Variants in PDE1A observed in about 807,000 individuals in gnomAD.
PDE1A encodes the protein phosphodiesterase 1A.
In PDE1A, 35 loss-of-function variants were observed where a neutral mutation model predicts 61.7. That is an observed-to-expected ratio of 0.57 (90% CI 0.43 to 0.75). The LOEUF is 0.75. Among genes scored for constraint, PDE1A ranks in the 30% least tolerant of loss-of-function variants. The probability of loss-of-function intolerance (pLI) is 0.00; values close to 1 mark genes in which losing one functional copy is unlikely to be tolerated. For synonymous variants in PDE1A, 232 were observed against 213.2 expected, an observed-to-expected ratio of 1.09 and a Z score of -0.77; for missense variants, 597 against 630.6, an observed-to-expected ratio of 0.95 and a Z score of 0.57.
the PDE1A span, among the ~76,000 whole-genome samples, chr2:182,592,195 T>C: frequency 6.6e-6 from 1 of 152,192 alleles, no homozygotes; most frequent in South Asian, 2.1e-4. Context: ...AAAAAAGTGA[T>C]AAAGCTGATA....
chr2:182,191,846 C>CTTTTTTTTTTT (rs142596612), intron 10 of PDE1A, among the ~76,000 whole-genome samples: 1 of 146,064 alleles, frequency 6.8e-6, no homozygotes, highest in Non-Finnish European at 1.5e-5. Context: ...GATTTACTTT[C>CTTTTTTTTTTT]TTTTTTTTTT....
In PDE1A at chr2:182,181,209, C is replaced by T. The variant is rs531466550; in HGVS notation, c.1516+4683G>A. Among the ~76,000 whole-genome samples, 7 of 152,266 alleles carry T rather than the reference C, an allele frequency of 4.6e-5. No homozygotes were observed. The South Asian group carries it at 8.3e-4, about 18-fold the overall frequency. On this transcript the variant is annotated intron_variant, in intron 13 of 13. Transcript: ENST00000351439. ...TTTCAGCGTTTTTGCACTGTTTCTT[C>T]CTCATCTTCATGGATTTATCTACCT...
At chr2:182,163,168 G>A (rs116408495), downstream of PDE1A, among the ~76,000 whole-genome samples, 1,204 of 152,188 alleles carry the variant, frequency 7.9e-3, 9 homozygotes, top group African/African-American at 0.027. Context: ...TACCCAAGTC[G>A]TGACTCTAAT....
At chr2:182,449,323 GAGAGAA>G (rs1685355695) in intron 2 of PDE1A, among the ~76,000 whole-genome samples, 1 of 151,254 alleles carries the variant, frequency 6.6e-6, no homozygotes, top group Non-Finnish European at 1.5e-5. Flanking sequence ...GACAGAGAGA[GAGAGAA>G]AGAGAAAGGA....
At chr2:182,231,381 T>A (rs1689567512) in intron 4 of PDE1A, among the ~76,000 whole-genome samples, 1 of 152,222 alleles carries the variant, frequency 6.6e-6, no homozygotes, top group African/African-American at 2.4e-5. Flanking sequence ...ATTTAATACA[T>A]TTGATAATAC....
intron 7 of PDE1A, among the ~76,000 whole-genome samples, chr2:182,220,049 A>G (rs1006824341): frequency 6.6e-6 from 1 of 152,192 alleles, no homozygotes; most frequent in African/African-American, 2.4e-5. Context: ...ATGATAAATG[A>G]CCTACCAGGC....
At chr2:182,159,478 TAATTCATCAC>T in intron 13 of PDE1A, among the ~76,000 whole-genome samples, 1 of 152,364 alleles carries the variant, frequency 6.6e-6, no homozygotes, top group African/African-American at 2.4e-5. Context: ...CCTATCAAGA[TAATTCATCAC>T]ACAGCAGTTC....
chr2:182,567,775 T>TTTTTTTTC, the PDE1A span, among the ~76,000 whole-genome samples: 1 of 151,462 alleles, frequency 6.6e-6, no homozygotes, highest in Non-Finnish European at 1.5e-5. Context: ...AATGTTTACT[T>TTTTTTTTC]TTTTTTTCTT....
chr2:182,274,719 T>C (rs1009052580), intron 1 of PDE1A, among the ~76,000 whole-genome samples: 15 of 152,146 alleles, frequency 9.9e-5, no homozygotes, highest in African/African-American at 3.1e-4. Context: ...CTTTCATGTA[T>C]GTATGAATAC....
chr2:182,627,016 T>TA, the PDE1A span, among the ~76,000 whole-genome samples: 12 of 55,076 alleles, frequency 2.2e-4, no homozygotes, highest in Admixed American at 8.7e-4. Flanking sequence ...TATTTATATT[T>TA]ATATATAAAA....
chr2:182,683,095 CTTT>C, the PDE1A span, among the ~76,000 whole-genome samples: 9 of 137,854 alleles, frequency 6.5e-5, no homozygotes, highest in Admixed American at 2.2e-4. Context: ...TTTTTCTTTT[CTTT>C]TTTTTTTTTT....
chr2:182,404,704 G>C (rs1042426373), intron 1 of PDE1A, among the ~76,000 whole-genome samples: 12 of 151,620 alleles, frequency 7.9e-5, no homozygotes, highest in African/African-American at 2.9e-4. Flanking sequence ...ATTACCCTAG[G>C]GCCACACAAG....
upstream of PDE1A, among the ~76,000 whole-genome samples, chr2:182,430,102 T>A (rs925840099): frequency 6.6e-6 from 1 of 152,166 alleles, no homozygotes; most frequent in Non-Finnish European, 1.5e-5. Context: ...GACACATATA[T>A]GATATTATCT....
At chr2:182,709,131 G>A in the PDE1A span, among the ~76,000 whole-genome samples, 1 of 150,756 alleles carries the variant, frequency 6.6e-6, no homozygotes, top group African/African-American at 2.4e-5. Flanking sequence ...GATTGTACCT[G>A]GTTCTAAAAT....
intron 2 of PDE1A, among the ~76,000 whole-genome samples, chr2:182,476,588 C>T (rs1484277296): frequency 2.0e-5 from 3 of 151,884 alleles, no homozygotes; most frequent in East Asian, 1.9e-4. Flanking sequence ...CACTGCTTTG[C>T]TGATTAGGAC....
the PDE1A span, among the ~76,000 whole-genome samples, chr2:182,539,621 C>CA: frequency 2.0e-5 from 3 of 152,214 alleles, no homozygotes; most frequent in African/African-American, 7.2e-5. Flanking sequence ...ATATACATCA[C>CA]ATCCCATACT....
At chr2:182,484,972 C>T (rs964485194) in intron 2 of PDE1A, among the ~76,000 whole-genome samples, 1 of 151,982 alleles carries the variant, frequency 6.6e-6, no homozygotes, top group African/African-American at 2.4e-5. Context: ...CCTCCAAGAA[C>T]TAAAAGCAGG....
chr2:182,633,119 A>C, the PDE1A span, among the ~76,000 whole-genome samples: 2 of 152,178 alleles, frequency 1.3e-5, no homozygotes, highest in African/African-American at 4.8e-5. Flanking sequence ...TGATGAATGG[A>C]TTTACTCAGA....
the PDE1A span, among the ~76,000 whole-genome samples, chr2:182,610,064 G>T: frequency 1.3e-5 from 2 of 150,726 alleles, no homozygotes; most frequent in African/African-American, 4.9e-5. Context: ...CACCAGCTTG[G>T]GAGACAGAGT....
Sources: gnomAD v4.1 joint callset for allele counts (sites outside exome capture counted in the v4.1 genomes callset) on GRCh38, gnomAD v4.1.1 for gene constraint, MANE v1.5 for transcripts, NCBI Gene and HGNC (gene_info 2026-07-23, HGNC 2026-07-21) for gene names.